Variants in ZNF385D observed in about 807,000 individuals in gnomAD.
ZNF385D encodes zinc finger protein 659.
In ZNF385D, 15 loss-of-function variants were observed where a neutral mutation model predicts 35.8. That is an observed-to-expected ratio of 0.42 (90% CI 0.28 to 0.64). The LOEUF (loss-of-function observed/expected upper bound fraction) is 0.64, where lower values mean the gene tolerates loss of function less well. ZNF385D is among the 30% of genes least tolerant of loss of function. The pLI is 0.23. For missense variants in ZNF385D, 474 were observed against 494.6 expected (o/e 0.96, Z 0.39); for synonymous variants, 212 against 186.8 (o/e 1.13, Z -1.10).
chr3:22,322,305 CT>C (rs1694477646), intron 2 of ZNF385D, among the ~76,000 whole-genome samples: 1 of 152,064 alleles, frequency 6.6e-6, no homozygotes, highest in African/African-American at 2.4e-5. Flanking sequence ...ATTTTAACTC[CT>C]TTATATCCTC....
At position 21,417,010 on chromosome 3, in the gene ZNF385D, G is replaced by A. The variant is rs1700572428; in HGVS notation, c.*4204C>T. 6.6e-6 allele frequency: 1 copy of A among 152,012 alleles called. No homozygotes were observed. The highest frequency in any genetic ancestry group is 1.9e-4 in the East Asian group (1 of 5,174). The allele number at this position is 152,012 out of a possible 1,614,324, so 9.4% of individuals were successfully genotyped here. A position where few individuals can be genotyped will look rare whatever the true frequency, so the allele number is the denominator to read the frequency against. On this transcript the variant is annotated 3_prime_UTR_variant, in exon 8 of 8. Transcript: ENST00000281523. ...TATCTTACATGATGTTGGCATAAGT[G>A]CGATCATAATAAGTGAGTACTAAGT...
intron 3 of ZNF385D, among the ~76,000 whole-genome samples, chr3:21,843,625 G>C (rs1290202780): frequency 6.6e-6 from 1 of 151,990 alleles, no homozygotes; most frequent in Non-Finnish European, 1.5e-5. Flanking sequence ...GGCACTTCAA[G>C]AATACAAAAA....
chr3:22,150,316 T>C (rs989395420), intron 3 of ZNF385D, among the ~76,000 whole-genome samples: 1 of 152,164 alleles, frequency 6.6e-6, no homozygotes, highest in African/African-American at 2.4e-5. Flanking sequence ...GTTATATATG[T>C]ATGTATTTAT....
At chr3:22,116,008 A>C (rs2125654942) in intron 3 of ZNF385D, among the ~76,000 whole-genome samples, 1 of 152,200 alleles carries the variant, frequency 6.6e-6, no homozygotes, top group South Asian at 2.1e-4. Context: ...ATAAACTTTT[A>C]CATCTCAGAA....
chr3:22,321,469 G>A (rs1694427768), intron 2 of ZNF385D, among the ~76,000 whole-genome samples: 1 of 151,920 alleles, frequency 6.6e-6, no homozygotes, highest in Non-Finnish European at 1.5e-5. Context: ...GGGTTCAAGC[G>A]ATTCTCCTGT....
At chr3:22,143,980 G>T (rs1158138121) in intron 3 of ZNF385D, among the ~76,000 whole-genome samples, 1 of 152,066 alleles carries the variant, frequency 6.6e-6, no homozygotes, top group Non-Finnish European at 1.5e-5. Context: ...AGTAAGTATT[G>T]TCAGCTACAT....
At chr3:22,077,709 T>TAAC (rs1700535828) in intron 3 of ZNF385D, among the ~76,000 whole-genome samples, 1 of 152,004 alleles carries the variant, frequency 6.6e-6, no homozygotes, top group Non-Finnish European at 1.5e-5. Flanking sequence ...TCGGCAGATG[T>TAAC]TTTAGAGTGC....
intron 3 of ZNF385D, among the ~76,000 whole-genome samples, chr3:21,981,034 G>C (rs1037973184): frequency 3.9e-5 from 6 of 152,096 alleles, no homozygotes; most frequent in Non-Finnish European, 7.4e-5. Flanking sequence ...ACATTCACGT[G>C]CATGTGTCTT....
intron 3 of ZNF385D, among the ~76,000 whole-genome samples, chr3:22,097,155 G>A (rs1159771031): frequency 6.6e-6 from 1 of 152,122 alleles, no homozygotes; most frequent in African/African-American, 2.4e-5. Context: ...CATTCTGCAT[G>A]AGCTGCGCTT....
At chr3:21,980,354 T>A (rs1576071645) in intron 3 of ZNF385D, among the ~76,000 whole-genome samples, 1 of 152,166 alleles carries the variant, frequency 6.6e-6, no homozygotes, top group South Asian at 2.1e-4. Flanking sequence ...AACTGTGACA[T>A]AAATTTTGGT....
At chr3:21,545,109 C>T (rs367654467) in intron 3 of ZNF385D, among the ~76,000 whole-genome samples, 1 of 152,178 alleles carries the variant, frequency 6.6e-6, no homozygotes, top group Admixed American at 6.5e-5. Context: ...TATTGTAAAC[C>T]ATAGAGATAA....
At chr3:22,057,925 T>C (rs1194834156) in intron 3 of ZNF385D, among the ~76,000 whole-genome samples, 1 of 152,242 alleles carries the variant, frequency 6.6e-6, no homozygotes, top group Non-Finnish European at 1.5e-5. Context: ...TTACAGTTCA[T>C]GGTTTCACTA....
intron 1 of ZNF385D, among the ~76,000 whole-genome samples, chr3:21,703,814 G>A (rs1283887606): frequency 6.6e-6 from 1 of 152,054 alleles, no homozygotes; most frequent in African/African-American, 2.4e-5. Context: ...GGATTAAACT[G>A]AGCCCAGGCA....
At chr3:21,640,719 C>T (rs1207545571) in intron 2 of ZNF385D, among the ~76,000 whole-genome samples, 8 of 151,992 alleles carry the variant, frequency 5.3e-5, no homozygotes, top group Non-Finnish European at 1.0e-4. Flanking sequence ...GTGTTTAAAC[C>T]GCCCATTCTA....
At chr3:21,737,205 G>T (rs2069286226) in intron 1 of ZNF385D, among the ~76,000 whole-genome samples, 1 of 152,164 alleles carries the variant, frequency 6.6e-6, no homozygotes, top group African/African-American at 2.4e-5. Context: ...CTCCTAAAGT[G>T]CTGGGACAGC....
intron 3 of ZNF385D, among the ~76,000 whole-genome samples, chr3:22,038,838 G>T (rs1470063043): frequency 6.6e-6 from 1 of 150,836 alleles, no homozygotes; most frequent in Non-Finnish European, 1.5e-5. Context: ...GATGAACATG[G>T]TCATTATTGT....
Position 21,856,398 on chromosome 3 carries a change from A to G in ZNF385D, c.326-191370T>C, listed in dbSNP as rs190542663. Among the ~76,000 whole-genome samples, 3 of 152,030 alleles carry G rather than the reference A, an allele frequency of 2.0e-5. No individual in the cohort carries two copies. In the East Asian group the frequency reaches 5.8e-4, roughly 30 times the overall value. ...TCCTAATATTTTCTCGTCTTTCTGA[A>G]CCCCTTCTCTCAACTTCAGACTCAA... On this transcript the variant is annotated intron_variant, in intron 3 of 5. Transcript: ENST00000494108.
At chr3:22,280,414 T>C (rs1314907646) in intron 2 of ZNF385D, among the ~76,000 whole-genome samples, 1 of 151,758 alleles carries the variant, frequency 6.6e-6, no homozygotes, top group Middle Eastern at 3.2e-3. Context: ...TGGTTTCAGA[T>C]CTTAAAGTCT....
At chr3:22,220,673 T>C (rs1374717059) in intron 2 of ZNF385D, among the ~76,000 whole-genome samples, 2 of 152,216 alleles carry the variant, frequency 1.3e-5, no homozygotes, top group Non-Finnish European at 2.9e-5. Flanking sequence ...CACTTCTGTA[T>C]GAAATTTCAT....
Sources: allele counts gnomAD v4.1 joint callset (sites outside exome capture counted in the v4.1 genomes callset), GRCh38; gene constraint gnomAD v4.1.1; transcripts MANE v1.5; gene names NCBI Gene and HGNC (gene_info 2026-07-23, HGNC 2026-07-21).